The following ARHGEF3 variants were observed in gnomAD, a reference collection of about 807,000 sequenced individuals.
The protein encoded by ARHGEF3 is Rho guanine nucleotide exchange factor 3.
A neutral mutation model predicts 63.2 loss-of-function variants in ARHGEF3; 28 were observed. The observed-to-expected ratio is 0.44, with a 90% CI of 0.33 to 0.61. The LOEUF is 0.61. Among genes scored for constraint, ARHGEF3 ranks in the 20% least tolerant of loss-of-function variants. ARHGEF3 has a pLI of 0.03. For missense variants in ARHGEF3, 533 were observed against 659.3 expected (o/e 0.81, Z 2.10); for synonymous variants, 266 against 254.2 (o/e 1.05, Z -0.44).
At chr3:57,042,512 A>G (rs1271430379) in intron 1 of ARHGEF3, among the ~76,000 whole-genome samples, 2 of 151,482 alleles carry the variant, frequency 1.3e-5, no homozygotes, top group Admixed American at 6.6e-5. Context: ...CTGTTCAGTC[A>G]TGTCGGGGTT....
chr3:56,924,131 G>A (rs1007428506), intron 3 of ARHGEF3, among the ~76,000 whole-genome samples: 2 of 152,322 alleles, frequency 1.3e-5, no homozygotes, highest in Admixed American at 1.3e-4. Context: ...AATGGCTAGG[G>A]CATTTCCAAC....
chr3:56,816,689 T>C (rs899522411), intron 4 of ARHGEF3, among the ~76,000 whole-genome samples: 3 of 152,192 alleles, frequency 2.0e-5, no homozygotes, highest in African/African-American at 7.2e-5. Flanking sequence ...AGTACTTCTA[T>C]AGTAGGAGAA....
chr3:56,978,095 G>A (rs35177408), intron 2 of ARHGEF3, among the ~76,000 whole-genome samples: 20,145 of 152,218 alleles, frequency 0.13, 1,780 homozygotes, highest in Non-Finnish European at 0.19. Flanking sequence ...CCCAGGTGCG[G>A]TCACCCCCGC....
At chr3:56,985,646 G>A (rs1433522966) in intron 2 of ARHGEF3, among the ~76,000 whole-genome samples, 1 of 152,228 alleles carries the variant, frequency 6.6e-6, no homozygotes, top group Non-Finnish European at 1.5e-5. Flanking sequence ...CTGAGGTTCT[G>A]AGAGGGGCAG....
chr3:57,069,376 AACACACACAC>A (rs147675971), intron 1 of ARHGEF3, among the ~76,000 whole-genome samples: 8 of 146,466 alleles, frequency 5.5e-5, no homozygotes, highest in East Asian at 4.1e-4. Context: ...CTGTCTCTCA[AACACACACAC>A]ACACACACAC....
At chr3:56,975,749 C>G in intron 2 of ARHGEF3, 1 of 412,780 alleles carries the variant, frequency 2.4e-6, no homozygotes, top group South Asian at 1.8e-5. Context: ...GAGATGGAAA[C>G]TCAAACACTT....
At chr3:56,958,574 C>T (rs1391111067) in intron 3 of ARHGEF3, among the ~76,000 whole-genome samples, 1 of 152,102 alleles carries the variant, frequency 6.6e-6, no homozygotes, top group Non-Finnish European at 1.5e-5. Context: ...TCAAGCGATC[C>T]TCCCACATTG....
intron 3 of ARHGEF3, among the ~76,000 whole-genome samples, chr3:56,958,570 G>A (rs1404768957): frequency 1.3e-5 from 2 of 151,980 alleles, no homozygotes; most frequent in Admixed American, 6.6e-5. Flanking sequence ...AGGCTCAAGC[G>A]ATCCTCCCAC....
chr3:56,993,211 C>T (rs1312382842), intron 2 of ARHGEF3, among the ~76,000 whole-genome samples: 1 of 152,226 alleles, frequency 6.6e-6, no homozygotes, highest in Non-Finnish European at 1.5e-5. Flanking sequence ...AGCCTTACTT[C>T]ATCCTCCTGA....
chr3:57,036,322 C>T (rs1427378989), intron 1 of ARHGEF3, among the ~76,000 whole-genome samples: 1 of 152,082 alleles, frequency 6.6e-6, no homozygotes, highest in Non-Finnish European at 1.5e-5. Context: ...TGGTAAAATA[C>T]CATTCGGGTG....
chr3:56,949,739 C>T (rs1307180333), intron 3 of ARHGEF3, among the ~76,000 whole-genome samples: 2 of 152,040 alleles, frequency 1.3e-5, no homozygotes, highest in Non-Finnish European at 2.9e-5. Flanking sequence ...CCATCCCCAT[C>T]AAGCTACCAA....
At position 56,737,187 on chromosome 3, in the gene ARHGEF3, C is replaced by T. The variant is rs374801140; in HGVS notation, c.1039G>A (p.Val347Met). The T allele has an allele frequency of 2.4e-5, 39 of 1,613,102 alleles. No homozygotes were observed. In the East Asian group the frequency reaches 3.3e-4, roughly 14 times the overall value. The change falls in exon 8 of 10, where the codon GTG becomes ATG. Residue 347 changes from valine to methionine, a missense_variant and splice_region_variant. Around this residue, in one of 4 missense-constraint regions of ARHGEF3, gnomAD observed 151 missense variants for 190.7 expected, o/e 0.79. Transcript: ENST00000296315. ...GCTTAAAGGGAGTAACTACTTACCACGCCCCGATTGTTCTTCAGTTCACCA... is the reference window on the plus strand; with the variant it reads ...GCTTAAAGGGAGTAACTACTTACCATGCCCCGATTGTTCTTCAGTTCACCA... ...CHGELKNNRG[V>M]KLHVFLFQEV...
intron 4 of ARHGEF3, among the ~76,000 whole-genome samples, chr3:56,836,237 T>C (rs1378458664): frequency 6.6e-6 from 1 of 152,218 alleles, no homozygotes; most frequent in Non-Finnish European, 1.5e-5. Context: ...ATAAAGTTCA[T>C]CTCTTTCCTT....
At chr3:56,895,871 C>A (rs1486675433) in intron 3 of ARHGEF3, among the ~76,000 whole-genome samples, 1 of 152,174 alleles carries the variant, frequency 6.6e-6, no homozygotes, top group Non-Finnish European at 1.5e-5. Flanking sequence ...GGATAAACAC[C>A]CAGCCTCTTG....
chr3:56,757,703 T>C (rs1045823126), intron 2 of ARHGEF3, among the ~76,000 whole-genome samples: 17 of 151,744 alleles, frequency 1.1e-4, no homozygotes, highest in Non-Finnish European at 2.2e-4. Flanking sequence ...GTGATTTCTG[T>C]CCTCCTTTAT....
At chr3:56,975,756 A>G (rs1422783429) in intron 2 of ARHGEF3, 7 of 417,090 alleles carry the variant, frequency 1.7e-5, no homozygotes, top group Non-Finnish European at 3.2e-5. Flanking sequence ...AAACTCAAAC[A>G]CTTACTATGT....
At chr3:56,767,712 T>C (rs919320968) in intron 2 of ARHGEF3, among the ~76,000 whole-genome samples, 6 of 152,048 alleles carry the variant, frequency 3.9e-5, no homozygotes, top group African/African-American at 1.4e-4. Flanking sequence ...ACTTTTATTC[T>C]CTTTTATGTG....
chr3:56,923,068 AT>A (rs1560053903), intron 3 of ARHGEF3, among the ~76,000 whole-genome samples: 22 of 37,792 alleles, frequency 5.8e-4, no homozygotes, highest in South Asian at 1.7e-3. Flanking sequence ...ATATATATAT[AT>A]ATATATAAAT....
At chr3:57,046,440 C>A (rs1704457629) in intron 1 of ARHGEF3, among the ~76,000 whole-genome samples, 1 of 152,206 alleles carries the variant, frequency 6.6e-6, no homozygotes, top group African/African-American at 2.4e-5. Flanking sequence ...TCAATCTTAG[C>A]TCCATCTCTG....
Sources: gnomAD v4.1 joint callset for allele counts (sites outside exome capture counted in the v4.1 genomes callset) on GRCh38, gnomAD v4.1.1 for gene constraint, gnomAD v4.1.1 regional missense constraint, MANE v1.5 for transcripts, NCBI Gene and HGNC (gene_info 2026-07-23, HGNC 2026-07-21) for gene names.